The following IL31RA variants were observed in gnomAD, a reference collection of about 807,000 sequenced individuals.
IL31RA encodes the protein interleukin 31 receptor A.
IL31RA carries 66 observed loss-of-function variants against 83.7 expected under a neutral mutation model. The observed-to-expected ratio is 0.79, with a 90% confidence interval of 0.65 to 0.97. IL31RA has a LOEUF of 0.97. IL31RA is among the 50% of genes least tolerant of loss of function. IL31RA has a pLI of 0.00. For missense variants in IL31RA, 798 were observed against 919.4 expected (o/e 0.87, Z 1.71); for synonymous variants, 325 against 329.0 (o/e 0.99, Z 0.13).
At chr5:55,894,562 C>G (rs910679117) in intron 6 of IL31RA, among the ~76,000 whole-genome samples, 8 of 152,204 alleles carry the variant, frequency 5.3e-5, no homozygotes, top group African/African-American at 1.4e-4. Context: ...CTGGGCCTAA[C>G]AGCTAGACTG....
chr5:55,899,842 C>T (rs1316479805), intron 7 of IL31RA, 74 bp from the exon 8 acceptor site: 4 of 1,009,876 alleles, frequency 4.0e-6, no homozygotes, highest in Non-Finnish European at 3.1e-6. Flanking sequence ...CCCTCACCCC[C>T]ACCGCTTCTC....
intron 10 of IL31RA, among the ~76,000 whole-genome samples, chr5:55,907,747 C>T (rs185936682): frequency 3.9e-5 from 6 of 152,318 alleles, no homozygotes; most frequent in Non-Finnish European, 7.3e-5. Flanking sequence ...GAGCTGCTAC[C>T]AGCAATAACA....
At chr5:55,866,703 G>C (rs1746070838) in intron 2 of IL31RA, 1 of 152,374 alleles carries the variant, frequency 6.6e-6, no homozygotes. Context: ...TGCTGTACCT[G>C]GTGAAATAGG....
At position 55,922,025 on chromosome 5, in the gene IL31RA, G is replaced by GGTCA. The variant is rs2112614795; in HGVS notation, c.*4908_*4911dup. Among the ~76,000 whole-genome samples, 1 of 146,624 alleles carries GGTCA rather than the reference G, an allele frequency of 6.8e-6. No individual in the cohort carries two copies. Among genetic ancestry groups the GGTCA allele is most frequent in the East Asian group, 2.1e-4 (1 of 4,820 alleles). On this transcript the variant is annotated 3_prime_UTR_variant, in exon 15 of 15. Coordinates refer to ENST00000652347, the MANE Select transcript of IL31RA (RefSeq NM_139017.7). ...TACTTGTAATCAAAATGTGTAGTGT[G>GGTCA]GTCAGTGTCTTGCACTCTTATGTTG...
chr5:55,883,217 A>G, intron 5 of IL31RA, 22 bp downstream of exon 5: 3 of 1,591,204 alleles, frequency 1.9e-6, no homozygotes, highest in Admixed American at 1.7e-5. Context: ...CATTATAATA[A>G]TATTCCAATT....
intron 12 of IL31RA, among the ~76,000 whole-genome samples, chr5:55,912,513 CT>C (rs1749555475): frequency 6.6e-5 from 10 of 152,204 alleles, no homozygotes; most frequent in Admixed American, 6.5e-4. Flanking sequence ...GCTAAAGTTG[CT>C]GTCTGGACGC....
rs1359674759 is a variant in IL31RA at position 55,903,239 on chromosome 5, T to C, written c.1070-2867T>C. ...CCAGAGGAGGAAGATGGGCCCAAGT[T>C]GGGGCAGAGCTCAGGATGGGCCAGG... On this transcript the variant is annotated intron_variant, in intron 8 of 14. Coordinates refer to ENST00000652347, the MANE Select transcript of IL31RA (RefSeq NM_139017.7). The surrounding 1 kb of genome is among the most constrained non-coding windows in gnomAD (Gnocchi z 4.7). Among the ~76,000 whole-genome samples the C allele has an allele frequency of 1.3e-5, 2 of 152,084 alleles. No individual in the cohort carries two copies. Among genetic ancestry groups the C allele is most frequent in the Non-Finnish European group, 2.9e-5 (2 of 68,000 alleles).
chr5:55,862,242 G>A (rs1284660086), intron 2 of IL31RA, among the ~76,000 whole-genome samples: 1 of 152,120 alleles, frequency 6.6e-6, no homozygotes, highest in Non-Finnish European at 1.5e-5. Flanking sequence ...AGCATAGAGA[G>A]TTCCTTTCTA....
At chr5:55,905,133 G>A (rs1749063114) in intron 8 of IL31RA, among the ~76,000 whole-genome samples, 1 of 151,246 alleles carries the variant, frequency 6.6e-6, no homozygotes. Context: ...CCCAGGAGGT[G>A]GAGGTTGCAG....
In IL31RA at chr5:55,896,451, T is replaced by C. The variant is rs766443830; in HGVS notation, c.852+22T>C. 2.7e-6 allele frequency: 4 copies of C among 1,495,362 alleles called. No individual in the cohort carries two copies. The African/African-American group carries it at 5.5e-5, about 21-fold the overall frequency. 92.6% of individuals were successfully genotyped at this position (1,495,362 alleles called of 1,614,324 possible). A position where few individuals can be genotyped will look rare whatever the true frequency, so the allele number is the denominator to read the frequency against. Reference sequence around the variant, plus strand: ...GAAGGTGACCTCCCTCTGGATTCTTTTTCTCTCTCTTTCTTCCCCTTCCCT... The same window carrying C: ...GAAGGTGACCTCCCTCTGGATTCTTCTTCTCTCTCTTTCTTCCCCTTCCCT... On this transcript the variant is annotated intron_variant, in intron 7 of 14. Coordinates refer to ENST00000652347, the MANE Select transcript of IL31RA (RefSeq NM_139017.7).
chr5:55,896,998 A>T (rs1394402905), intron 7 of IL31RA, among the ~76,000 whole-genome samples: 4 of 228 alleles, frequency 0.018, no homozygotes, highest in Non-Finnish European at 0.054. Context: ...AAAAAAAAAA[A>T]AAATATATAT....
At chr5:55,866,668 AC>A (rs1746067552) in intron 2 of IL31RA, 1 of 152,344 alleles carries the variant, frequency 6.6e-6, no homozygotes, top group African/African-American at 2.4e-5. Flanking sequence ...CTGCTAGACT[AC>A]AGCCTGGCAA....
chr5:55,883,322 G>A, intron 5 of IL31RA, 127 bp downstream of exon 5: 3 of 883,552 alleles, frequency 3.4e-6, no homozygotes, highest in Non-Finnish European at 1.8e-6. Context: ...ACATTGCTAA[G>A]TACTTCTCCT....
Position 55,889,992 on chromosome 5 carries a change from A to AC in IL31RA, c.631dup (p.Arg211ProfsTer2), listed in dbSNP as rs2112472606. Reference sequence around the variant, plus strand: ...TAGATGGAAGTCAACTTCGCTAAGAACCGTAAGGATAAAAACCAAACGTAC... The same window carrying AC: ...TAGATGGAAGTCAACTTCGCTAAGAACCCGTAAGGATAAAAACCAAACGTAC... On this transcript the variant is annotated frameshift_variant, in exon 6 of 15. Coordinates refer to ENST00000652347, the MANE Select transcript of IL31RA (RefSeq NM_139017.7). LOFTEE classifies it high-confidence loss of function. 1 of 1,614,118 alleles carries AC rather than the reference A, an allele frequency of 6.2e-7. No homozygotes were observed. Among genetic ancestry groups the AC allele is most frequent in the Admixed American group, 1.7e-5 (1 of 60,020 alleles).
chr5:55,881,944 C>A (rs1291939234), intron 4 of IL31RA, among the ~76,000 whole-genome samples: 2 of 152,034 alleles, frequency 1.3e-5, no homozygotes, highest in Admixed American at 1.3e-4. Context: ...AACCCCTGAC[C>A]TCCTGATCTG....
chr5:55,899,845 C>T (rs1006066956), intron 7 of IL31RA, 71 bp from the exon 8 acceptor site: 29 of 1,063,450 alleles, frequency 2.7e-5, no homozygotes, highest in East Asian at 2.4e-4. Context: ...TCACCCCCAC[C>T]GCTTCTCACT....
At chr5:55,875,969 A>G (rs1364454576) in intron 4 of IL31RA, among the ~76,000 whole-genome samples, 1 of 152,206 alleles carries the variant, frequency 6.6e-6, no homozygotes, top group Non-Finnish European at 1.5e-5. Context: ...TAATGAAAGC[A>G]TTTAATATCA....
At chr5:55,882,669 T>C (rs955549842) in intron 4 of IL31RA, among the ~76,000 whole-genome samples, 2 of 152,274 alleles carry the variant, frequency 1.3e-5, no homozygotes, top group Admixed American at 1.3e-4. Flanking sequence ...GTGTTTATAG[T>C]GGGTATTCCA....
In IL31RA at chr5:55,851,682, A is replaced by T. The variant is rs1745081512; in HGVS notation, c.63+49A>T. Reference sequence around the variant, plus strand: ...CAAATAATTCCTAGCAAGTAGGTGAATTCACAAATAAGGAAGCTGTGAGTA... The same window carrying T: ...CAAATAATTCCTAGCAAGTAGGTGATTTCACAAATAAGGAAGCTGTGAGTA... On this transcript the variant is annotated intron_variant, in intron 1 of 14. Coordinates refer to ENST00000652347, the MANE Select transcript of IL31RA (RefSeq NM_139017.7). The T allele has an allele frequency of 3.7e-6, 6 of 1,613,718 alleles. No individual in the cohort carries two copies. In the South Asian group the frequency reaches 5.5e-5, roughly 15 times the overall value.
Sources: allele counts gnomAD v4.1 joint callset (sites outside exome capture counted in the v4.1 genomes callset), GRCh38; gene constraint gnomAD v4.1.1; non-coding constraint Gnocchi (gnomAD v3.1); transcripts MANE v1.5; gene names NCBI Gene and HGNC (gene_info 2026-07-23, HGNC 2026-07-21).